TLE4: variants seen among roughly 807,000 people sequenced by gnomAD.
TLE4 encodes transducin-like enhancer protein 4.
Under a neutral mutation model 92.8 loss-of-function variants are expected in TLE4, and 8 were observed. The ratio of observed to expected loss-of-function variants is 0.09; its 90% CI spans 0.05 to 0.16. The LOEUF (loss-of-function observed/expected upper bound fraction) is 0.16, where lower values mean the gene tolerates loss of function less well. Ranked by LOEUF, TLE4 falls within the 10% of genes least tolerant of loss-of-function variation. The probability of loss-of-function intolerance (pLI) is 1.00; values close to 1 mark genes in which losing one functional copy is unlikely to be tolerated. For synonymous variants in TLE4, 371 were observed against 374.1 expected (o/e 0.99, Z 0.10); for missense variants, 675 against 997.6 (o/e 0.68, Z 4.36).
chr9:79,691,553 A>G (rs960285430), intron 8 of TLE4, among the ~76,000 whole-genome samples: 35 of 152,122 alleles, frequency 2.3e-4, no homozygotes, highest in Non-Finnish European at 4.6e-4. Flanking sequence ...GGGCCTGCAC[A>G]CTGTGGACCC....
intron 4 of TLE4, among the ~76,000 whole-genome samples, chr9:79,585,584 C>T (rs1267409696): frequency 1.3e-5 from 2 of 152,096 alleles, no homozygotes; most frequent in Non-Finnish European, 1.5e-5. Flanking sequence ...AGTGAACGCC[C>T]AGATCTCTTT....
intron 5 of TLE4, among the ~76,000 whole-genome samples, chr9:79,617,759 C>A (rs1320511290): frequency 6.6e-6 from 1 of 150,742 alleles, no homozygotes; most frequent in Non-Finnish European, 1.5e-5. Context: ...TATGAGGATT[C>A]GTGACAGTGT....
intron 8 of TLE4, among the ~76,000 whole-genome samples, chr9:79,701,502 C>G (rs2069860941): frequency 6.6e-6 from 1 of 152,080 alleles, no homozygotes; most frequent in Non-Finnish European, 1.5e-5. Context: ...GTGGAAATAA[C>G]TTTCAATAGA....
chr9:79,725,202 CT>C lies in TLE4; in HGVS notation c.*63del. On this transcript the variant is annotated 3_prime_UTR_variant, in exon 20 of 20. Transcript: ENST00000376552. Reference sequence around the variant, plus strand: ...CCTGGTAGCACTTTGCTCTGTCATCCTTTTTGTTCACCCCCATCCCCGCATC... The same window carrying C: ...CCTGGTAGCACTTTGCTCTGTCATCCTTTTGTTCACCCCCATCCCCGCATC... 3 of 1,299,834 alleles carry C rather than the reference CT, an allele frequency of 2.3e-6. No individual in the cohort carries two copies. Among genetic ancestry groups the C allele is most frequent in the Admixed American group, 1.7e-5 (1 of 57,732 alleles). The allele number at this position is 1,299,834 out of a possible 1,614,324, so 80.5% of individuals were successfully genotyped here. A position where few individuals can be genotyped will look rare whatever the true frequency, so the allele number is the denominator to read the frequency against.
At chr9:79,718,353 A>C (rs561032018) in intron 14 of TLE4, among the ~76,000 whole-genome samples, 1 of 152,190 alleles carries the variant, frequency 6.6e-6, no homozygotes, top group Non-Finnish European at 1.5e-5. Flanking sequence ...GGAGAAGGCA[A>C]TGCAGGTTTA....
intron 4 of TLE4, among the ~76,000 whole-genome samples, chr9:79,605,420 A>C (rs956869062): frequency 2.0e-5 from 3 of 152,094 alleles, no homozygotes; most frequent in Non-Finnish European, 4.4e-5. Flanking sequence ...CAACCTTGAT[A>C]ATTTATCTCT....
chr9:79,627,463 C>A lies in TLE4; in HGVS notation c.390+15C>A, dbSNP rs1353756434. On this transcript the variant is annotated intron_variant, in intron 6 of 19. Coordinates refer to ENST00000376552, the MANE Select transcript of TLE4 (RefSeq NM_007005.6). Reference sequence around the variant, plus strand: ...CCATCATTGGGGTACGTGGCCTTTCCATTTTAGCTCTGATCTTAGTGTTTG... The same window carrying A: ...CCATCATTGGGGTACGTGGCCTTTCAATTTTAGCTCTGATCTTAGTGTTTG... 1 of 1,613,266 alleles carries A rather than the reference C, an allele frequency of 6.2e-7. No individual in the cohort carries two copies. Among genetic ancestry groups the A allele is most frequent in the Non-Finnish European group, 8.5e-7 (1 of 1,179,228 alleles).
rs1303747319 is a variant in TLE4, at chr9:79,708,619, G to A, written c.1096G>A (p.Val366Ile). ...LASSLRTPMA[V>I]PCPYPTPFGI... ...CTCAAGCCTAAGGACCCCAATGGCA[G>A]TACCTTGTCCATATCCAACTCCATT... is the stretch of plus-strand genomic sequence containing the variant. The change falls in exon 13 of 20, where the codon GTA (valine) becomes ATA (isoleucine). Residue 366 changes from valine to isoleucine, a missense_variant. Val to Ile is a conservative substitution (Grantham distance 29, BLOSUM62 3). Around this residue, in one of 5 missense-constraint regions of TLE4, gnomAD observed 280 missense variants for 287.3 expected, o/e 0.97. Transcript: ENST00000376552. The A allele has an allele frequency of 1.1e-5, 18 of 1,613,862 alleles. No individual in the cohort carries two copies. The highest frequency in any genetic ancestry group is 1.5e-5 in the Non-Finnish European group (18 of 1,179,990).
At chr9:79,648,720 CAAT>C (rs2058475456) in intron 6 of TLE4, among the ~76,000 whole-genome samples, 2 of 152,116 alleles carry the variant, frequency 1.3e-5, no homozygotes, top group Non-Finnish European at 2.9e-5. Context: ...TGGCAATTAT[CAAT>C]ATAGGATAGC....
intron 5 of TLE4, among the ~76,000 whole-genome samples, chr9:79,626,485 A>G (rs573243318): frequency 6.6e-6 from 1 of 152,356 alleles, no homozygotes; most frequent in African/African-American, 2.4e-5. Flanking sequence ...TTAAACCAAA[A>G]TTGACTGTAG....
Position 79,596,131 on chromosome 9 carries a change from G to C in TLE4, c.253-16525G>C, listed in dbSNP as rs557860259. 9.9e-5 allele frequency among the ~76,000 whole-genome samples: 15 copies of C among 152,150 alleles called. No individual in the cohort carries two copies. In the South Asian group the frequency reaches 1.7e-3, roughly 17 times the overall value. ...AAAGTGCTGGGATTACAGGCGTGAGGAACCGCGCCCGGCCGTTTAGTATCT... is the reference window on the plus strand; with the variant it reads ...AAAGTGCTGGGATTACAGGCGTGAGCAACCGCGCCCGGCCGTTTAGTATCT... On this transcript the variant is annotated intron_variant, in intron 4 of 19. Transcript: ENST00000376552.
rs1288644421 is a variant in TLE4 at position 79,585,946 on chromosome 9, G to A, written c.252+9769G>A. Among the ~76,000 whole-genome samples the A allele has an allele frequency of 5.9e-5, 9 of 151,916 alleles. No homozygotes were observed. The South Asian group carries it at 1.4e-3, about 24-fold the overall frequency. ...ATTCACTGATTCTCTTATGGCCAGC[G>A]TTCAGGCTAAAGTAATGTTGACACA... is the stretch of plus-strand genomic sequence containing the variant. On this transcript the variant is annotated intron_variant, in intron 4 of 19. Transcript: ENST00000376552.
At chr9:79,596,849 T>C (rs1032890529) in intron 4 of TLE4, among the ~76,000 whole-genome samples, 4 of 152,218 alleles carry the variant, frequency 2.6e-5, no homozygotes, top group African/African-American at 9.7e-5. Context: ...TTTTGGAGTT[T>C]GCTTATTAAA....
intron 5 of TLE4, among the ~76,000 whole-genome samples, chr9:79,612,957 C>T (rs2048699468): frequency 6.6e-6 from 1 of 152,052 alleles, no homozygotes; most frequent in Admixed American, 6.6e-5. Context: ...AAAATTCAGT[C>T]GTTAAAATAT....
At chr9:79,686,394 G>C (rs1418848398) in intron 8 of TLE4, among the ~76,000 whole-genome samples, 1 of 152,174 alleles carries the variant, frequency 6.6e-6, no homozygotes, top group Non-Finnish European at 1.5e-5. Context: ...GTTGAATTGT[G>C]TCTCAAAAAG....
intron 1 of TLE4, among the ~76,000 whole-genome samples, 169 bp downstream of exon 1, chr9:79,573,004 G>C (rs984119615): frequency 2.6e-5 from 4 of 152,112 alleles, no homozygotes; most frequent in African/African-American, 9.6e-5. Context: ...CCCCGGCGCG[G>C]TGGCCCTCGG....
chr9:79,632,084 C>T (rs1299240239), intron 6 of TLE4, among the ~76,000 whole-genome samples: 1 of 152,208 alleles, frequency 6.6e-6, no homozygotes, highest in East Asian at 1.9e-4. Context: ...CCTGACAGCA[C>T]CTCCAGTCAG....
intron 5 of TLE4, among the ~76,000 whole-genome samples, chr9:79,622,385 C>T (rs2051248786): frequency 6.6e-6 from 1 of 152,278 alleles, no homozygotes; most frequent in Non-Finnish European, 1.5e-5. Context: ...CTATAAGGCC[C>T]CTACCCAGTT....
chr9:79,713,107 A>C (rs750424719), intron 14 of TLE4, among the ~76,000 whole-genome samples: 2 of 152,204 alleles, frequency 1.3e-5, no homozygotes, highest in Non-Finnish European at 2.9e-5. Context: ...CAGACCTCTC[A>C]TTGTGACCTC....
Sources: gnomAD v4.1 joint callset for allele counts (sites outside exome capture counted in the v4.1 genomes callset) on GRCh38, gnomAD v4.1.1 for gene constraint, gnomAD v4.1.1 regional missense constraint, MANE v1.5 for transcripts, NCBI Gene and HGNC (gene_info 2026-07-23, HGNC 2026-07-21) for gene names.